The following SKIC2 variants were observed in gnomAD, a reference collection of about 807,000 sequenced individuals.
The protein encoded by SKIC2 is SKI2 subunit of superkiller complex, also known as superkiller complex protein 2.
chr6:31,960,653 T>A, the SKIC2 span: 2 of 1,591,310 alleles, frequency 1.3e-6, no homozygotes, highest in Admixed American at 3.5e-5. Context: ...CTGTCTGTCC[T>A]GTCTCTTCCC....
At chr6:31,967,104 G>C in the SKIC2 span, 14 of 1,612,386 alleles carry the variant, frequency 8.7e-6, no homozygotes, top group Admixed American at 3.3e-5. This position sits in a 1 kb window ranked among gnomAD's most constrained non-coding sequence, Gnocchi z 4.9. Context: ...TATTACAGCT[G>C]GGGGGAGGAA....
At chr6:31,960,750 G>A in the SKIC2 span, 8 of 1,544,676 alleles carry the variant, frequency 5.2e-6, no homozygotes, top group South Asian at 1.3e-5. Flanking sequence ...GGTAAGGTGG[G>A]GCTCTGAGTC....
At chr6:31,960,284 G>A in the SKIC2 span, 6 of 1,613,216 alleles carry the variant, frequency 3.7e-6, no homozygotes, top group African/African-American at 2.7e-5. Flanking sequence ...AGTCCCATCC[G>A]ACCTACAGGC....
the SKIC2 span, chr6:31,965,795 A>T: frequency 6.2e-7 from 1 of 1,608,394 alleles, no homozygotes; most frequent in South Asian, 1.1e-5. The surrounding 1 kb of genome is among the most constrained non-coding windows in gnomAD (Gnocchi z 5.6). Flanking sequence ...CTTGTTTGCC[A>T]CAGAGACCTT....
the SKIC2 span, chr6:31,969,105 C>T: frequency 1.9e-6 from 3 of 1,603,474 alleles, no homozygotes; most frequent in Non-Finnish European, 2.6e-6. This position sits in a 1 kb window ranked among gnomAD's most constrained non-coding sequence, Gnocchi z 6.1. Context: ...GGACACCACC[C>T]CTTTCTCCCT....
the SKIC2 span, chr6:31,967,798 G>T: frequency 6.2e-7 from 1 of 1,612,592 alleles, no homozygotes; most frequent in Non-Finnish European, 8.5e-7. This position sits in a 1 kb window ranked among gnomAD's most constrained non-coding sequence, Gnocchi z 4.9. Context: ...AGGACAGGGG[G>T]CCAGCCACTG....
At chr6:31,962,331 G>A in the SKIC2 span, 1 of 1,267,564 alleles carries the variant, frequency 7.9e-7, no homozygotes. This position sits in a 1 kb window ranked among gnomAD's most constrained non-coding sequence, Gnocchi z 5.0. Context: ...GTGAAGAAGA[G>A]GAGCACCTGA....
At chr6:31,967,946 C>T in the SKIC2 span, 1 of 1,613,104 alleles carries the variant, frequency 6.2e-7, no homozygotes, top group Non-Finnish European at 8.5e-7. This position sits in a 1 kb window ranked among gnomAD's most constrained non-coding sequence, Gnocchi z 4.9. Flanking sequence ...CTGCTCTCCC[C>T]TTTTCACAGG....
chr6:31,962,566 A>G, the SKIC2 span: 15 of 1,613,512 alleles, frequency 9.3e-6, no homozygotes, highest in African/African-American at 2.7e-5. This position sits in a 1 kb window ranked among gnomAD's most constrained non-coding sequence, Gnocchi z 5.0. Context: ...CTGCCTCATC[A>G]TGACCACAGA....
the SKIC2 span, chr6:31,961,837 C>T: frequency 3.8e-6 from 6 of 1,585,072 alleles, no homozygotes; most frequent in African/African-American, 6.7e-5. Context: ...GCCCGCCCTG[C>T]GTGCTCCATG....
chr6:31,966,261 TA>T, the SKIC2 span, among the ~76,000 whole-genome samples: 1 of 151,128 alleles, frequency 6.6e-6, no homozygotes, highest in Non-Finnish European at 1.5e-5. The surrounding 1 kb of genome is among the most constrained non-coding windows in gnomAD (Gnocchi z 5.9). Context: ...CAGGCCTGGC[TA>T]ATTTTTTTTT....
At chr6:31,964,615 G>A in the SKIC2 span, among the ~76,000 whole-genome samples, 1 of 152,194 alleles carries the variant, frequency 6.6e-6, no homozygotes, top group Non-Finnish European at 1.5e-5. The surrounding 1 kb of genome is among the most constrained non-coding windows in gnomAD (Gnocchi z 5.0). Flanking sequence ...AGAAACCCAG[G>A]AAGCTAGCAA....
the SKIC2 span, chr6:31,960,644 T>C: frequency 1.9e-6 from 3 of 1,588,180 alleles, no homozygotes; most frequent in Non-Finnish European, 2.6e-6. Context: ...CATGAATCCC[T>C]GTCTGTCCTG....
At chr6:31,967,873 G>A in the SKIC2 span, 2 of 1,612,950 alleles carry the variant, frequency 1.2e-6, no homozygotes, top group South Asian at 1.1e-5. This position sits in a 1 kb window ranked among gnomAD's most constrained non-coding sequence, Gnocchi z 4.9. Flanking sequence ...GTGAGAGTGT[G>A]GCAGATGTCT....
chr6:31,962,507 G>A, the SKIC2 span: 1 of 1,613,946 alleles, frequency 6.2e-7, no homozygotes, highest in African/African-American at 1.3e-5. The surrounding 1 kb of genome is among the most constrained non-coding windows in gnomAD (Gnocchi z 5.0). Flanking sequence ...AACACATTCG[G>A]GGATGTGGGG....
the SKIC2 span, chr6:31,969,732 C>A: frequency 6.3e-7 from 1 of 1,583,696 alleles, no homozygotes; most frequent in South Asian, 1.2e-5. The surrounding 1 kb of genome is among the most constrained non-coding windows in gnomAD (Gnocchi z 6.1). Flanking sequence ...CATGTAAAAA[C>A]ATGATGATAA....
chr6:31,966,799 A>G, the SKIC2 span: 5 of 1,614,194 alleles, frequency 3.1e-6, no homozygotes, highest in Non-Finnish European at 4.2e-6. This position sits in a 1 kb window ranked among gnomAD's most constrained non-coding sequence, Gnocchi z 5.9. Flanking sequence ...GGTGGAGGAC[A>G]TGATGAAGAG....
the SKIC2 span, chr6:31,964,397 C>A: frequency 1.4e-6 from 2 of 1,403,194 alleles, no homozygotes; most frequent in Non-Finnish European, 2.0e-6. This position sits in a 1 kb window ranked among gnomAD's most constrained non-coding sequence, Gnocchi z 5.0. Context: ...CACTTAGGGG[C>A]TGCCCAGAGG....
the SKIC2 span, chr6:31,960,206 AT>A: frequency 6.2e-7 from 1 of 1,611,198 alleles, no homozygotes; most frequent in Non-Finnish European, 8.5e-7. Flanking sequence ...AAAAGTTACT[AT>A]TTTTCTCTCC....
Sources: allele counts gnomAD v4.1 joint callset (sites outside exome capture counted in the v4.1 genomes callset), GRCh38; gene constraint gnomAD v4.1.1; non-coding constraint Gnocchi (gnomAD v3.1); transcripts MANE v1.5; gene names NCBI Gene and HGNC (gene_info 2026-07-23, HGNC 2026-07-21).